Variants in NPTXR observed in about 807,000 individuals in gnomAD.
The protein encoded by NPTXR is neuronal pentraxin receptor.
Under a neutral mutation model 32.2 loss-of-function variants are expected in NPTXR, and 12 were observed. The ratio of observed to expected loss-of-function variants is 0.37; its 90% CI spans 0.24 to 0.60. The LOEUF (loss-of-function observed/expected upper bound fraction) is 0.60. NPTXR is among the 20% of genes least tolerant of loss of function. The pLI, the probability that NPTXR is intolerant of heterozygous loss-of-function variation, is 0.66. For missense variants in NPTXR, 612 were observed against 682.9 expected, an observed-to-expected ratio of 0.90 and a Z score of 1.16; for synonymous variants, 323 against 315.8, an observed-to-expected ratio of 1.02 and a Z score of -0.24.
intron 3 of NPTXR, among the ~76,000 whole-genome samples, chr22:38,824,811 C>CCGGTGGT (rs1288774733): frequency 6.6e-6 from 1 of 152,142 alleles, no homozygotes; most frequent in Non-Finnish European, 1.5e-5. Context: ...TCCAGCCACC[C>CCGGTGGT]CGGTGGTCGT....
At chr22:38,830,672 G>T (rs1335525086) in intron 1 of NPTXR, among the ~76,000 whole-genome samples, 2 of 152,144 alleles carry the variant, frequency 1.3e-5, no homozygotes, top group Admixed American at 1.3e-4. Flanking sequence ...CATGGGAAAG[G>T]TGAGGTTGCT....
chr22:38,823,854 C>A (rs994767777), intron 3 of NPTXR, among the ~76,000 whole-genome samples: 19 of 152,224 alleles, frequency 1.2e-4, no homozygotes, highest in African/African-American at 4.3e-4. Context: ...TAGCTCAGAT[C>A]CCTCAGCACA....
rs898531770 is a variant in NPTXR at position 38,831,643 on chromosome 22, T to G, written c.625-3131A>C. On this transcript the variant is annotated intron_variant, in intron 1 of 4. Coordinates refer to ENST00000333039, the MANE Select transcript of NPTXR (RefSeq NM_014293.4). The stretch of plus-strand genomic sequence containing the variant: ...GAGATGGCTGGACTTCCAGGAAGCC[T>G]TGGACTGAGGCAATCAGCTCAAGGG... Among the ~76,000 whole-genome samples, 4 of 151,764 alleles carry G rather than the reference T, an allele frequency of 2.6e-5. No individual in the cohort carries two copies. In the Admixed American group the frequency reaches 2.6e-4, roughly 10 times the overall value.
At chr22:38,835,153 G>C (rs2093122081) in intron 1 of NPTXR, among the ~76,000 whole-genome samples, 1 of 152,246 alleles carries the variant, frequency 6.6e-6, no homozygotes, top group African/African-American at 2.4e-5. Context: ...AGTGCCAGGT[G>C]CTGTGGCCCC....
chr22:38,842,450 G>T lies in NPTXR; in HGVS notation c.624+785C>A, dbSNP rs116620085. ...AAGGTGGCCATGGGACTCCAGGGGGGAAATGACTGGCCCAGGGTCACATGA... is the reference window on the plus strand; with the variant it reads ...AAGGTGGCCATGGGACTCCAGGGGGTAAATGACTGGCCCAGGGTCACATGA... On this transcript the variant is annotated intron_variant, in intron 1 of 4. Transcript: ENST00000333039. 3.3e-5 allele frequency among the ~76,000 whole-genome samples: 5 copies of T among 152,324 alleles called. No individual in the cohort carries two copies. The East Asian group carries it at 5.8e-4, about 18-fold the overall frequency.
At position 38,843,939 on chromosome 22, in the gene NPTXR, G is replaced by T; in HGVS notation, c.-81C>A. 1.2e-6 allele frequency: 1 copy of T among 819,404 alleles called. No homozygotes were observed. Among genetic ancestry groups the T allele is most frequent in the Non-Finnish European group, 1.5e-6 (1 of 680,584 alleles). 50.8% of individuals were successfully genotyped at this position (819,404 alleles called of 1,614,324 possible). On this transcript the variant is annotated 5_prime_UTR_variant, in exon 1 of 5. Coordinates refer to ENST00000333039, the MANE Select transcript of NPTXR (RefSeq NM_014293.4). The surrounding 1 kb of genome is among the most constrained non-coding windows in gnomAD (Gnocchi z 5.3). ...GGGGCGCGGAGCCCGGGCGCGCTGGGCCGAGCGGGGCAGGCGCGGGAGCCG... is the reference window on the plus strand; with the variant it reads ...GGGGCGCGGAGCCCGGGCGCGCTGGTCCGAGCGGGGCAGGCGCGGGAGCCG...
At position 38,826,523 on chromosome 22, in the gene NPTXR, T is replaced by C. The variant is rs747658539; in HGVS notation, c.1075A>G (p.Met359Val). The change falls in exon 3 of 5, where the codon ATG becomes GTG. Residue 359 changes from methionine (M) to valine (V), a missense_variant. Physicochemically the swap from Met to Val is conservative, Grantham distance 21 (BLOSUM62 1). Coordinates refer to ENST00000333039, the MANE Select transcript of NPTXR (RefSeq NM_014293.4). Reference sequence around the variant, plus strand: ...ACCTTGTCGTTGATCAGCAGCTCCATGGGCTCATGGCCCGCCTCTAGCAGT... The same window carrying C: ...ACCTTGTCGTTGATCAGCAGCTCCACGGGCTCATGGCCCGCCTCTAGCAGT... 1 of 1,611,586 alleles carries C rather than the reference T, an allele frequency of 6.2e-7. No individual in the cohort carries two copies. The highest frequency in any genetic ancestry group is 1.3e-5 in the African/African-American group (1 of 74,912).
intron 1 of NPTXR, among the ~76,000 whole-genome samples, chr22:38,842,206 G>C (rs1489356594): frequency 6.6e-6 from 1 of 152,246 alleles, no homozygotes; most frequent in Non-Finnish European, 1.5e-5. Flanking sequence ...CAACTTGCCT[G>C]CTGCACTCCA....
At position 38,818,976 on chromosome 22, in the gene NPTXR, C is replaced by A. The variant is rs903387432; in HGVS notation, c.*3633G>T. ...TGTCCAGCTGGGTGGCCTTGAGGGT[C>A]GCTCCCCTCCCCGGGCTTCAGCTTC... On this transcript the variant is annotated 3_prime_UTR_variant, in exon 5 of 5. Coordinates refer to ENST00000333039, the MANE Select transcript of NPTXR (RefSeq NM_014293.4). The surrounding 1 kb of genome is among the most constrained non-coding windows in gnomAD (Gnocchi z 4.5). The A allele has an allele frequency of 6.6e-6, 1 of 152,304 alleles. No homozygotes were observed. Among genetic ancestry groups the A allele is most frequent in the South Asian group, 2.1e-4 (1 of 4,830 alleles). The allele number at this position is 152,304 out of a possible 1,614,324, so 9.4% of individuals were successfully genotyped here.
At chr22:38,826,396 C>A in intron 3 of NPTXR, 104 bp downstream of exon 3, 1 of 1,352,006 alleles carries the variant, frequency 7.4e-7, no homozygotes. Flanking sequence ...GCTGAATATG[C>A]AGAGCAGGAG....
At chr22:38,839,576 C>T (rs1340718470) in intron 1 of NPTXR, among the ~76,000 whole-genome samples, 1 of 151,890 alleles carries the variant, frequency 6.6e-6, no homozygotes, top group Non-Finnish European at 1.5e-5. Flanking sequence ...ACCTAGAAGG[C>T]GGAGGTTGCA....
In NPTXR at chr22:38,840,631, G is replaced by A. The variant is rs370235210; in HGVS notation, c.624+2604C>T. Among the ~76,000 whole-genome samples the A allele has an allele frequency of 1.2e-4, 18 of 152,236 alleles. 1 individual carries two copies. The East Asian group carries it at 3.3e-3, about 28-fold the overall frequency. ...AGCTGAAACACAGTGTGGTTAGGGG[G>A]CTGATGGGACAACCAGAGAGAGATG... On this transcript the variant is annotated intron_variant, in intron 1 of 4. Coordinates refer to ENST00000333039, the MANE Select transcript of NPTXR (RefSeq NM_014293.4).
At chr22:38,829,389 G>C (rs77237815) in intron 1 of NPTXR, among the ~76,000 whole-genome samples, 4 of 152,184 alleles carry the variant, frequency 2.6e-5, no homozygotes, top group Non-Finnish European at 5.9e-5. Context: ...CAGGAGCTGG[G>C]AGGGTTTCCT....
rs143596201 is a variant in NPTXR at position 38,837,104 on chromosome 22, G to A, written c.624+6131C>T. Among the ~76,000 whole-genome samples, 10 of 152,314 alleles carry A rather than the reference G, an allele frequency of 6.6e-5. No individual in the cohort carries two copies. The East Asian group carries it at 1.5e-3, about 23-fold the overall frequency. On this transcript the variant is annotated intron_variant, in intron 1 of 4. Coordinates refer to ENST00000333039, the MANE Select transcript of NPTXR (RefSeq NM_014293.4). The stretch of plus-strand genomic sequence containing the variant: ...GCTGGGATTACAGGCGTGAGCCACC[G>A]CGCCCAGCCCCCACAGGCTTTCAAA...
rs1971284499 is a variant in NPTXR at position 38,843,088 on chromosome 22, G to A, written c.624+147C>T. Reference sequence around the variant, plus strand: ...CAGACGCCTGCCCGCGTTCCCTATCGAAATCCCCCCGCCTCGCCAGCGAGG... The same window carrying A: ...CAGACGCCTGCCCGCGTTCCCTATCAAAATCCCCCCGCCTCGCCAGCGAGG... On this transcript the variant is annotated intron_variant, in intron 1 of 4. Coordinates refer to ENST00000333039, the MANE Select transcript of NPTXR (RefSeq NM_014293.4). This position sits in a 1 kb window ranked among gnomAD's most constrained non-coding sequence, Gnocchi z 5.3. 2 of 856,346 alleles carry A rather than the reference G, an allele frequency of 2.3e-6. No homozygotes were observed. Among genetic ancestry groups the A allele is most frequent in the Non-Finnish European group, 3.1e-6 (2 of 647,118 alleles). The allele number at this position is 856,346 out of a possible 1,614,324, so 53.0% of individuals were successfully genotyped here.
At chr22:38,828,220 A>T in intron 2 of NPTXR, 67 bp downstream of exon 2, 1 of 1,318,188 alleles carries the variant, frequency 7.6e-7, no homozygotes, top group Non-Finnish European at 1.1e-6. Flanking sequence ...GAGCATGGAT[A>T]TATTTTTTGA....
At position 38,843,761 on chromosome 22, in the gene NPTXR, G is replaced by C. The variant is rs1228554608; in HGVS notation, c.98C>G (p.Ala33Gly). The C allele has an allele frequency of 2.0e-6, 2 of 1,001,180 alleles. No individual in the cohort carries two copies. Among genetic ancestry groups the C allele is most frequent in the Non-Finnish European group, 2.4e-6 (2 of 842,048 alleles). 62.0% of individuals were successfully genotyped at this position (1,001,180 alleles called of 1,614,324 possible). ...GTCGGCGCCGCCGGGCAGCGCCCGCGCCGGGCTGGCCGCCAGGGGCACGCT... is the reference window on the plus strand; with the variant it reads ...GTCGGCGCCGCCGGGCAGCGCCCGCCCCGGGCTGGCCGCCAGGGGCACGCT... Residue 33 changes from alanine (A) to glycine (G), a missense_variant, in exon 1 of 5, where the codon GCG becomes GGG. Coordinates refer to ENST00000333039, the MANE Select transcript of NPTXR (RefSeq NM_014293.4). This position sits in a 1 kb window ranked among gnomAD's most constrained non-coding sequence, Gnocchi z 5.3.
At chr22:38,829,700 C>A (rs1014806456) in intron 1 of NPTXR, among the ~76,000 whole-genome samples, 3 of 152,164 alleles carry the variant, frequency 2.0e-5, no homozygotes, top group Admixed American at 6.5e-5. Flanking sequence ...CAGACACGAA[C>A]TCATTGCATT....
At position 38,828,326 on chromosome 22, in the gene NPTXR, A is replaced by C. The variant is rs780997596; in HGVS notation, c.811T>G (p.Leu271Val). ...GCCACACGACCCTGCAGGACGTCCA[A>C]CTCCTTTTCCACTTCCTGCCTCTGC... Residue 271 changes from leucine to valine, a missense_variant, in exon 2 of 5, where the codon TTG (leucine) becomes GTG (valine). By Grantham distance (32) the Leu-to-Val change is conservative (BLOSUM62 1). Transcript: ENST00000333039. The C allele has an allele frequency of 1.9e-6, 3 of 1,613,130 alleles. No individual in the cohort carries two copies. The highest frequency in any genetic ancestry group is 2.5e-6 in the Non-Finnish European group (3 of 1,179,948).
Sources: gnomAD v4.1 joint callset for allele counts (sites outside exome capture counted in the v4.1 genomes callset) on GRCh38, gnomAD v4.1.1 for gene constraint, Gnocchi (gnomAD v3.1) non-coding constraint, MANE v1.5 for transcripts, NCBI Gene and HGNC (gene_info 2026-07-23, HGNC 2026-07-21) for gene names.